ERGIC1: variants seen among roughly 807,000 people sequenced by gnomAD.
ERGIC1 encodes the protein endoplasmic reticulum-golgi intermediate compartment 1.
ERGIC1 carries 19 observed loss-of-function variants against 38.3 expected under a neutral mutation model. The observed-to-expected ratio is 0.50, with a 90% CI of 0.35 to 0.73. The LOEUF (loss-of-function observed/expected upper bound fraction) is 0.73. Ranked by LOEUF, ERGIC1 falls within the 30% of genes least tolerant of loss-of-function variation. The pLI, the probability that ERGIC1 is intolerant of heterozygous loss-of-function variation, is 0.01. For synonymous variants in ERGIC1, 124 were observed against 157.6 expected (o/e 0.79, Z 1.60); for missense variants, 294 against 389.2 (o/e 0.76, Z 2.06).
At chr5:172,859,639 G>A (rs115342529) in intron 1 of ERGIC1, among the ~76,000 whole-genome samples, 2 of 152,190 alleles carry the variant, frequency 1.3e-5, no homozygotes, top group Non-Finnish European at 2.9e-5. Flanking sequence ...ACCTCTGAGG[G>A]AATCACCTTA....
At chr5:172,883,837 G>T (rs191220876) in intron 1 of ERGIC1, among the ~76,000 whole-genome samples, 1 of 152,136 alleles carries the variant, frequency 6.6e-6, no homozygotes, top group Non-Finnish European at 1.5e-5. Flanking sequence ...TAAAAAATTA[G>T]CCAGGCATGA....
chr5:172,909,469 C>T (rs996759028), intron 3 of ERGIC1, among the ~76,000 whole-genome samples, 198 bp from the exon 4 acceptor site: 8 of 152,118 alleles, frequency 5.3e-5, no homozygotes, highest in Admixed American at 3.3e-4. Context: ...CCAGCCCTCC[C>T]GTCCTGAGAG....
chr5:172,904,384 C>A (rs1202842251), intron 3 of ERGIC1, among the ~76,000 whole-genome samples: 3 of 152,190 alleles, frequency 2.0e-5, no homozygotes, highest in African/African-American at 7.2e-5. Context: ...GATTTTCGAA[C>A]CGATTGAAAG....
In ERGIC1 at chr5:172,911,296, T is replaced by C. The variant is rs1408462403; in HGVS notation, c.250+1535T>C. Among the ~76,000 whole-genome samples, 6 of 152,110 alleles carry C rather than the reference T, an allele frequency of 3.9e-5. No individual in the cohort carries two copies. In the East Asian group the frequency reaches 1.2e-3, roughly 29 times the overall value. On this transcript the variant is annotated intron_variant, in intron 4 of 9. Coordinates refer to ENST00000393784, the MANE Select transcript of ERGIC1 (RefSeq NM_001031711.3). ...AATAGGTCGGTCTTATTTTTTGTTA[T>C]TTTTTTTCTTTCACTTAGAAAAATA...
rs372239530 is a variant in ERGIC1 at position 172,861,113 on chromosome 5, G to A, written c.20+26680G>A. Among the ~76,000 whole-genome samples the A allele has an allele frequency of 1.0e-3, 158 of 152,096 alleles. 1 individual carries two copies. The South Asian group carries it at 0.024, about 23-fold the overall frequency. On this transcript the variant is annotated intron_variant, in intron 1 of 9. Transcript: ENST00000393784. ...GTCCTCCATCCGCCTCGCTGACCTC[G>A]TCCCATGCCACCTGCCCCTCCCTGC...
At chr5:172,865,684 G>C (rs1761839925) in intron 1 of ERGIC1, among the ~76,000 whole-genome samples, 1 of 152,128 alleles carries the variant, frequency 6.6e-6, no homozygotes, top group South Asian at 2.1e-4. Flanking sequence ...AGTCTTGCCT[G>C]TTCTTCAGGT....
intron 5 of ERGIC1, among the ~76,000 whole-genome samples, chr5:172,919,567 T>G (rs538421826): frequency 1.3e-5 from 2 of 152,344 alleles, no homozygotes; most frequent in East Asian, 3.9e-4. Context: ...AGACCTGTGG[T>G]CAAGGATCCC....
intron 1 of ERGIC1, among the ~76,000 whole-genome samples, chr5:172,845,221 G>C (rs1761258428): frequency 6.6e-6 from 1 of 152,136 alleles, no homozygotes; most frequent in African/African-American, 2.4e-5. Context: ...ACTCAGCTGT[G>C]TTTACAGTCT....
At chr5:172,940,307 C>T (rs183269025) in intron 9 of ERGIC1, among the ~76,000 whole-genome samples, 14 of 152,272 alleles carry the variant, frequency 9.2e-5, no homozygotes, top group Admixed American at 2.6e-4. Flanking sequence ...TCTCTCGGCA[C>T]GTGGGGCACC....
At chr5:172,883,483 T>G (rs937896762) in intron 1 of ERGIC1, among the ~76,000 whole-genome samples, 6 of 152,114 alleles carry the variant, frequency 3.9e-5, no homozygotes, top group Non-Finnish European at 7.4e-5. Context: ...TGCCAGCCAG[T>G]TTTTGTTTTG....
At chr5:172,947,808 G>A (rs185063571) in intron 9 of ERGIC1, among the ~76,000 whole-genome samples, 19 of 151,882 alleles carry the variant, frequency 1.3e-4, no homozygotes, top group African/African-American at 2.7e-4. Flanking sequence ...GTTGAGACTG[G>A]GTGCCAGGTG....
chr5:172,901,199 G>T (rs1484242857), intron 3 of ERGIC1, among the ~76,000 whole-genome samples: 1 of 152,218 alleles, frequency 6.6e-6, no homozygotes, highest in Non-Finnish European at 1.5e-5. Flanking sequence ...CCCAGCCTGT[G>T]GTTATCAGTG....
chr5:172,854,981 A>G (rs1432014428), intron 1 of ERGIC1, among the ~76,000 whole-genome samples: 1 of 152,166 alleles, frequency 6.6e-6, no homozygotes, highest in Non-Finnish European at 1.5e-5. Flanking sequence ...ACCTTAAGTG[A>G]GGCCTTGCTG....
chr5:172,881,501 A>G (rs774300736), intron 1 of ERGIC1, among the ~76,000 whole-genome samples: 5 of 152,198 alleles, frequency 3.3e-5, no homozygotes, highest in Non-Finnish European at 5.9e-5. Flanking sequence ...CTCATACTCC[A>G]GTGGCCGGGG....
chr5:172,834,332 G>A lies in ERGIC1; in HGVS notation c.-82G>A. 1 of 1,178,542 alleles carries A rather than the reference G, an allele frequency of 8.5e-7. No individual in the cohort carries two copies. The highest frequency in any genetic ancestry group is 1.1e-6 in the Non-Finnish European group (1 of 951,872). 73.0% of individuals were successfully genotyped at this position (1,178,542 alleles called of 1,614,324 possible). A position where few individuals can be genotyped will look rare whatever the true frequency, so the allele number is the denominator to read the frequency against. On this transcript the variant is annotated 5_prime_UTR_variant, in exon 1 of 10. Coordinates refer to ENST00000393784, the MANE Select transcript of ERGIC1 (RefSeq NM_001031711.3). The surrounding 1 kb of genome is among the most constrained non-coding windows in gnomAD (Gnocchi z 4.1). ...GGCCGGCGGGGGCGGGGCGGCCGGA[G>A]GAGGCGTTGGCAGCGGGCTCGGACC...
Position 172,854,252 on chromosome 5 carries a change from T to C in ERGIC1, c.20+19819T>C, listed in dbSNP as rs1175276186. Among the ~76,000 whole-genome samples, 3 of 151,162 alleles carry C rather than the reference T, an allele frequency of 2.0e-5. No individual in the cohort carries two copies. The East Asian group carries it at 5.8e-4, about 29-fold the overall frequency. Reference sequence around the variant, plus strand: ...AAAAAATTAGCTGGGCATGGTGGCCTGCACCTGTGGTCTCAGCTACTCAGG... The same window carrying C: ...AAAAAATTAGCTGGGCATGGTGGCCCGCACCTGTGGTCTCAGCTACTCAGG... On this transcript the variant is annotated intron_variant, in intron 1 of 9. Transcript: ENST00000393784.
intron 9 of ERGIC1, chr5:172,937,765 AGGCCGAGGCG>A (rs1457190059): frequency 6.6e-6 from 1 of 152,266 alleles, no homozygotes; most frequent in African/African-American, 2.4e-5. Context: ...GGACTTTGGG[AGGCCGAGGCG>A]GGCAGATCAC....
intron 9 of ERGIC1, 70 bp from the exon 10 acceptor site, chr5:172,950,639 A>AG (rs1355123328): frequency 1.8e-5 from 25 of 1,358,004 alleles, no homozygotes; most frequent in Non-Finnish European, 2.5e-5. Context: ...ATGATGTGGG[A>AG]GGGGTCTGGC....
chr5:172,888,350 C>T (rs1314813432), intron 1 of ERGIC1, among the ~76,000 whole-genome samples: 1 of 152,010 alleles, frequency 6.6e-6, no homozygotes, highest in Non-Finnish European at 1.5e-5. Flanking sequence ...GTCCCAGCTA[C>T]TTGGGAGGCT....
Sources: gnomAD v4.1 joint callset for allele counts (sites outside exome capture counted in the v4.1 genomes callset) on GRCh38, gnomAD v4.1.1 for gene constraint, Gnocchi (gnomAD v3.1) non-coding constraint, MANE v1.5 for transcripts, NCBI Gene and HGNC (gene_info 2026-07-23, HGNC 2026-07-21) for gene names.